FA2H: variants seen among roughly 807,000 people sequenced by gnomAD.
The protein encoded by FA2H is fatty acid 2-hydroxylase.
A neutral mutation model predicts 44.9 loss-of-function variants in FA2H; 22 were observed. That is an observed-to-expected ratio of 0.49 (90% CI 0.35 to 0.70). FA2H has a LOEUF of 0.70. Among genes scored for constraint, FA2H ranks in the 30% least tolerant of loss-of-function variants. The pLI is 0.01. For synonymous variants in FA2H, 243 were observed against 213.2 expected (o/e 1.14, Z -1.22); for missense variants, 501 against 504.9 (o/e 0.99, Z 0.07).
At chr16:74,740,706 G>A (rs1203296155) in intron 1 of FA2H, among the ~76,000 whole-genome samples, 4 of 151,694 alleles carry the variant, frequency 2.6e-5, no homozygotes, top group Admixed American at 2.0e-4. Flanking sequence ...GAAAGATCTG[G>A]GAGAGGAAGT....
At position 74,740,101 on chromosome 16, in the gene FA2H, G is replaced by A. The variant is rs772718168; in HGVS notation, c.285C>T (p.Asn95=). 73 of 1,612,754 alleles carry A rather than the reference G, an allele frequency of 4.5e-5. No homozygotes were observed. The highest frequency in any genetic ancestry group is 6.0e-5 in the Non-Finnish European group (71 of 1,178,948). The part of the protein sequence containing the change: ...LRGEQQGSME[N]EPVALEETQK... ...GAGTTTCCTCAAGGGCTACAGGCTC[G>A]TTCTCCATGGAGCCCTGGAAGGAGA... Residue 95 remains asparagine (N), a synonymous_variant, in exon 2 of 7, where the codon AAC becomes AAT. Coordinates refer to ENST00000219368, the MANE Select transcript of FA2H (RefSeq NM_024306.5).
chr16:74,760,600 C>A (rs202029346), intron 1 of FA2H, among the ~76,000 whole-genome samples: 3 of 151,988 alleles, frequency 2.0e-5, no homozygotes, highest in East Asian at 3.9e-4. Context: ...CTGCTCCCCC[C>A]AGGAAATCCC....
intron 1 of FA2H, among the ~76,000 whole-genome samples, chr16:74,749,879 G>A (rs1962499059): frequency 6.6e-6 from 1 of 152,144 alleles, no homozygotes; most frequent in African/African-American, 2.4e-5. Flanking sequence ...TTTTTCCAGT[G>A]AATGCTGGAC....
At chr16:74,739,918 G>T in intron 2 of FA2H, 105 bp downstream of exon 2, 1 of 877,982 alleles carries the variant, frequency 1.1e-6, no homozygotes, top group Non-Finnish European at 2.0e-6. Context: ...CTTCTCCCCT[G>T]GGCACACGTC....
In FA2H at chr16:74,726,043, G is replaced by C. The variant is rs991925494; in HGVS notation, c.613+182C>G. 9 of 600,864 alleles carry C rather than the reference G, an allele frequency of 1.5e-5. No homozygotes were observed. The East Asian group carries it at 2.3e-4, about 16-fold the overall frequency. The allele number at this position is 600,864 out of a possible 1,614,324, so 37.2% of individuals were successfully genotyped here. ...GTTGTTGGGTTTTGTATCCATTTGG[G>C]GGGTAGATGGGAGTCAGACAAAATT... On this transcript the variant is annotated intron_variant, in intron 4 of 6. Transcript: ENST00000219368.
intron 1 of FA2H, among the ~76,000 whole-genome samples, chr16:74,745,986 T>C (rs1290749347): frequency 6.6e-6 from 1 of 152,114 alleles, no homozygotes; most frequent in African/African-American, 2.4e-5. Context: ...TTTGTATTTT[T>C]AGCAGAGACG....
At chr16:74,732,955 T>A (rs1488307838) in intron 2 of FA2H, among the ~76,000 whole-genome samples, 1 of 152,196 alleles carries the variant, frequency 6.6e-6, no homozygotes, top group Non-Finnish European at 1.5e-5. Context: ...TCATTTGATG[T>A]CATTGGATTG....
intron 1 of FA2H, among the ~76,000 whole-genome samples, chr16:74,770,031 C>T (rs1433847277): frequency 1.3e-5 from 2 of 152,246 alleles, no homozygotes; most frequent in Non-Finnish European, 2.9e-5. Context: ...TCCAGGCCTT[C>T]TCCCTGGGGG....
At chr16:74,726,775 G>C (rs1284360024) in intron 3 of FA2H, among the ~76,000 whole-genome samples, 1 of 152,140 alleles carries the variant, frequency 6.6e-6, no homozygotes. Context: ...GGAGACCTGG[G>C]GTCAAAGGGA....
At chr16:74,750,385 T>C (rs747066945) in intron 1 of FA2H, among the ~76,000 whole-genome samples, 41 of 152,270 alleles carry the variant, frequency 2.7e-4, no homozygotes, top group African/African-American at 4.8e-5. Flanking sequence ...CAACCTCATA[T>C]GCCATTATTC....
chr16:74,744,610 C>T (rs1026761611), intron 1 of FA2H, among the ~76,000 whole-genome samples: 3 of 151,942 alleles, frequency 2.0e-5, no homozygotes, highest in East Asian at 1.9e-4. Context: ...CACCATCATG[C>T]CCAGCTAATT....
chr16:74,767,975 C>A (rs535883081), intron 1 of FA2H, among the ~76,000 whole-genome samples: 1 of 152,046 alleles, frequency 6.6e-6, no homozygotes, highest in African/African-American at 2.4e-5. Context: ...TGGAGGAAGG[C>A]GAAGGTCCTG....
rs912891901 is a variant in FA2H, at chr16:74,713,179, A to T, written c.*1011T>A. On this transcript the variant is annotated 3_prime_UTR_variant, in exon 7 of 7. Transcript: ENST00000219368. ...TGTGGGTAAGAAAGGAACCAAAAAC[A>T]GGAGGAAACAACATTTTTTACATAA... 6.5e-6 allele frequency: 1 copy of T among 152,690 alleles called. No homozygotes were observed. The highest frequency in any genetic ancestry group is 1.5e-5 in the Non-Finnish European group (1 of 68,048). 9.5% of individuals were successfully genotyped at this position (152,690 alleles called of 1,614,324 possible).
At chr16:74,761,521 T>G (rs1962710703) in intron 1 of FA2H, among the ~76,000 whole-genome samples, 1 of 152,096 alleles carries the variant, frequency 6.6e-6, no homozygotes, top group South Asian at 2.1e-4. Flanking sequence ...TTAAGGTGTG[T>G]TACTATTAGC....
At chr16:74,759,514 T>A (rs1176135914) in intron 1 of FA2H, among the ~76,000 whole-genome samples, 1 of 152,178 alleles carries the variant, frequency 6.6e-6, no homozygotes, top group Admixed American at 6.5e-5. Context: ...TAAAGACCCT[T>A]CTTAAACCTG....
intron 1 of FA2H, among the ~76,000 whole-genome samples, chr16:74,772,317 G>C (rs768982266): frequency 6.6e-6 from 1 of 152,166 alleles, no homozygotes; most frequent in African/African-American, 2.4e-5. Flanking sequence ...TCAGCTCTCA[G>C]TGTCAATGTC....
chr16:74,751,020 G>A (rs1329577640), intron 1 of FA2H, among the ~76,000 whole-genome samples: 1 of 149,434 alleles, frequency 6.7e-6, no homozygotes, highest in Admixed American at 6.7e-5. Context: ...TGGCCTCAGG[G>A]GATCCTTCTA....
At chr16:74,771,405 G>A (rs1962903733) in intron 1 of FA2H, among the ~76,000 whole-genome samples, 1 of 151,850 alleles carries the variant, frequency 6.6e-6, no homozygotes, top group South Asian at 2.1e-4. Context: ...TGCCCAGGCT[G>A]ATGTCGAACT....
rs540799656 is a variant in FA2H at position 74,716,245 on chromosome 16, G to A, written c.1039+102C>T. The stretch of plus-strand genomic sequence containing the variant: ...AGAGGGAACCCTCTGTATATGCCCC[G>A]TACATGGAACAGTGCCTTGCCGTTC... On this transcript the variant is annotated intron_variant, in intron 6 of 6. Coordinates refer to ENST00000219368, the MANE Select transcript of FA2H (RefSeq NM_024306.5). 1,713 of 1,377,740 alleles carry A rather than the reference G, an allele frequency of 1.2e-3. 24 individuals carry two copies. The South Asian group carries it at 0.018, about 15-fold the overall frequency. The allele number at this position is 1,377,740 out of a possible 1,614,324, so 85.3% of individuals were successfully genotyped here.
Sources: gnomAD v4.1 joint callset for allele counts (sites outside exome capture counted in the v4.1 genomes callset) on GRCh38, gnomAD v4.1.1 for gene constraint, MANE v1.5 for transcripts, NCBI Gene and HGNC (gene_info 2026-07-23, HGNC 2026-07-21) for gene names.